Variants in BTC observed in about 807,000 individuals in gnomAD.
BTC encodes betacellulin.
In BTC, 13 loss-of-function variants were observed where a neutral mutation model predicts 18.1. That is an observed-to-expected ratio of 0.72 (90% CI 0.47 to 1.14). The LOEUF (loss-of-function observed/expected upper bound fraction) is 1.14, where lower values mean the gene tolerates loss of function less well. BTC is among the 50% of genes most tolerant of loss of function. The pLI is 0.00. For synonymous variants in BTC, 83 were observed against 79.4 expected, an observed-to-expected ratio of 1.05 and a Z score of -0.24; for missense variants, 247 against 224.2, an observed-to-expected ratio of 1.10 and a Z score of -0.65.
intron 2 of BTC, among the ~76,000 whole-genome samples, chr4:74,760,836 G>A (rs553851252): frequency 1.4e-3 from 208 of 151,338 alleles, no homozygotes; most frequent in Admixed American, 3.5e-3. Context: ...CCGGGTTCAC[G>A]CCATTCTCCT....
intron 2 of BTC, among the ~76,000 whole-genome samples, chr4:74,758,164 G>A (rs1724653484): frequency 6.6e-6 from 1 of 152,174 alleles, no homozygotes; most frequent in African/African-American, 2.4e-5. Flanking sequence ...TGCAGGCAGT[G>A]GGAGGCAGAT....
At chr4:74,789,427 A>T (rs75447947) in intron 1 of BTC, among the ~76,000 whole-genome samples, 1 of 152,200 alleles carries the variant, frequency 6.6e-6, no homozygotes, top group African/African-American at 2.4e-5. Context: ...GTAATAATAC[A>T]TTGAATATTA....
intron 1 of BTC, among the ~76,000 whole-genome samples, chr4:74,791,273 C>T (rs534491712): frequency 9.9e-5 from 15 of 151,894 alleles, no homozygotes; most frequent in South Asian, 6.2e-4. Context: ...GCCCTGGAGG[C>T]GGAGGTTGCA....
In BTC at chr4:74,750,707, G is replaced by T. The variant is rs781830343; in HGVS notation, c.294C>A (p.Gly98=). 4.3e-6 allele frequency: 7 copies of T among 1,613,236 alleles called. No individual in the cohort carries two copies. The highest frequency in any genetic ancestry group is 1.3e-5 in the African/African-American group (1 of 74,852). The change falls in exon 4 of 6, where the codon GGC becomes GGA. Residue 98 remains glycine, a synonymous_variant. Coordinates refer to ENST00000395743, the MANE Select transcript of BTC (RefSeq NM_001729.4). ...CTCTCTCACACCTTGCTCCAATGTAGCCTTCATCACAGCTATAAAACAAGA... is the reference window on the plus strand; with the variant it reads ...CTCTCTCACACCTTGCTCCAATGTATCCTTCATCACAGCTATAAAACAAGA... ...EQTPSCVCDE[G]YIGARCERVD...
intron 2 of BTC, among the ~76,000 whole-genome samples, chr4:74,759,675 C>T (rs531874107): frequency 6.7e-6 from 1 of 148,748 alleles, no homozygotes; most frequent in Non-Finnish European, 1.5e-5. Flanking sequence ...AAAAAAGAAA[C>T]CTTTAGGGTT....
rs182305767 is a variant in BTC at position 74,751,512 on chromosome 4, G to A, written c.282-793C>T. 1.3e-5 allele frequency among the ~76,000 whole-genome samples: 2 copies of A among 152,096 alleles called. 1 individual carries two copies. The highest frequency in any genetic ancestry group is 4.8e-5 in the African/African-American group (2 of 41,474). On this transcript the variant is annotated intron_variant, in intron 3 of 5. Transcript: ENST00000395743. ...CCTTTTTTCCATGGCCTTCTTCAAG[G>A]GAATGACCAGAAATCAACAGTCTCT...
At chr4:74,761,879 T>C (rs962648356) in intron 2 of BTC, among the ~76,000 whole-genome samples, 19 of 152,142 alleles carry the variant, frequency 1.2e-4, no homozygotes, top group African/African-American at 4.6e-4. Context: ...TCATTAAAAC[T>C]CACTCAGAGA....
At chr4:74,789,241 C>T (rs1329760800) in intron 1 of BTC, among the ~76,000 whole-genome samples, 1 of 152,160 alleles carries the variant, frequency 6.6e-6, no homozygotes, top group African/African-American at 2.4e-5. Flanking sequence ...CAAATTCCTG[C>T]CCTATTTTCC....
intron 1 of BTC, among the ~76,000 whole-genome samples, chr4:74,790,181 C>T (rs1288549849): frequency 6.6e-6 from 1 of 152,104 alleles, no homozygotes; most frequent in Admixed American, 6.5e-5. Flanking sequence ...TGATGACATT[C>T]GGGAAGTATC....
At chr4:74,792,951 G>T (rs1725673453) in intron 1 of BTC, among the ~76,000 whole-genome samples, 1 of 152,186 alleles carries the variant, frequency 6.6e-6, no homozygotes, top group African/African-American at 2.4e-5. Context: ...GGAATCTCAT[G>T]AGCCCTTTCC....
At chr4:74,760,577 A>G (rs1365633764) in intron 2 of BTC, among the ~76,000 whole-genome samples, 1 of 152,212 alleles carries the variant, frequency 6.6e-6, no homozygotes, top group Non-Finnish European at 1.5e-5. Flanking sequence ...ATTTATTTAA[A>G]TTGAGGATTC....
chr4:74,766,847 T>C (rs188307525), intron 2 of BTC, among the ~76,000 whole-genome samples: 121 of 152,094 alleles, frequency 8.0e-4, no homozygotes, highest in African/African-American at 2.8e-3. Flanking sequence ...TATAGACTCA[T>C]TCATAATTCA....
In BTC at chr4:74,746,518, TA is replaced by T. The variant is rs1365764559; in HGVS notation, c.*158del. ...ATATACATATAATTAATGTTCTTAT[TA>T]AAAAATAATAACACAAACTAAAGTT... On this transcript the variant is annotated 3_prime_UTR_variant, in exon 6 of 6. Coordinates refer to ENST00000395743, the MANE Select transcript of BTC (RefSeq NM_001729.4). 2.0e-5 allele frequency: 3 copies of T among 152,548 alleles called. No homozygotes were observed. Among genetic ancestry groups the T allele is most frequent in the African/African-American group, 4.8e-5 (2 of 41,414 alleles). 9.4% of individuals were successfully genotyped at this position (152,548 alleles called of 1,614,324 possible). A position where few individuals can be genotyped will look rare whatever the true frequency, so the allele number is the denominator to read the frequency against.
chr4:74,751,243 T>C (rs944188023), intron 3 of BTC, among the ~76,000 whole-genome samples: 3 of 152,148 alleles, frequency 2.0e-5, no homozygotes, highest in Admixed American at 1.3e-4. Flanking sequence ...GTTCCATAAG[T>C]GTTATTTCTA....
intron 3 of BTC, among the ~76,000 whole-genome samples, chr4:74,754,866 A>G (rs1384459560): frequency 1.3e-5 from 2 of 151,936 alleles, no homozygotes; most frequent in African/African-American, 4.8e-5. Flanking sequence ...AATATTTTTA[A>G]AATTCAATAT....
In BTC at chr4:74,745,342, C is replaced by T. The variant is rs1724261804; in HGVS notation, c.*1335G>A. 1 of 152,156 alleles carries T rather than the reference C, an allele frequency of 6.6e-6. No homozygotes were observed. Among genetic ancestry groups the T allele is most frequent in the Admixed American group, 6.5e-5 (1 of 15,268 alleles). The allele number at this position is 152,156 out of a possible 1,614,324, so 9.4% of individuals were successfully genotyped here. On this transcript the variant is annotated 3_prime_UTR_variant, in exon 6 of 6. Coordinates refer to ENST00000395743, the MANE Select transcript of BTC (RefSeq NM_001729.4). ...GATTTCAGCATTTGTCTGAATTCTC[C>T]ACTTCACTATGGAATCTACATTGCA...
intron 1 of BTC, among the ~76,000 whole-genome samples, chr4:74,784,777 A>G (rs1725436179): frequency 6.6e-6 from 1 of 152,176 alleles, no homozygotes; most frequent in Admixed American, 6.5e-5. Flanking sequence ...GATGAAGCCA[A>G]CTTGGTCGTG....
intron 1 of BTC, among the ~76,000 whole-genome samples, chr4:74,783,054 G>A (rs892841463): frequency 6.6e-6 from 1 of 152,100 alleles, no homozygotes; most frequent in African/African-American, 2.4e-5. Flanking sequence ...CAGGTTGTCT[G>A]TTCAGTCTGA....
intron 2 of BTC, among the ~76,000 whole-genome samples, chr4:74,764,002 A>G (rs1294254163): frequency 2.8e-5 from 4 of 142,670 alleles, no homozygotes; most frequent in Non-Finnish European, 5.9e-5. Context: ...AATTAAAAAT[A>G]ATAATAATAA....
Sources: gnomAD v4.1 joint callset for allele counts (sites outside exome capture counted in the v4.1 genomes callset) on GRCh38, gnomAD v4.1.1 for gene constraint, MANE v1.5 for transcripts, NCBI Gene and HGNC (gene_info 2026-07-23, HGNC 2026-07-21) for gene names.